The following SLC9A7 variants were observed in gnomAD, a reference collection of about 807,000 sequenced individuals.
SLC9A7 encodes sodium/hydrogen exchanger 7.
SLC9A7 carries 19 observed loss-of-function variants against 52.6 expected under a neutral mutation model. The observed-to-expected ratio is 0.36, with a 90% CI of 0.25 to 0.53. The LOEUF (loss-of-function observed/expected upper bound fraction) is 0.53. Ranked by LOEUF, SLC9A7 falls within the 20% of genes least tolerant of loss-of-function variation. The probability of loss-of-function intolerance (pLI) is 0.91; values close to 1 mark genes in which losing one functional copy is unlikely to be tolerated. For synonymous variants in SLC9A7, 226 were observed against 252.1 expected, an observed-to-expected ratio of 0.90 and a Z score of 0.98; for missense variants, 455 against 597.9, an observed-to-expected ratio of 0.76 and a Z score of 2.49.
At position 46,653,706 on chromosome X, in the gene SLC9A7, C is replaced by T. The variant is rs766554388; in HGVS notation, c.1050G>A (p.Lys350=). ...GGGGGAAGCAGTGCAGTTTGGTAAACTTAGTCACGTTGGCATTCTGTCAAG... is the reference window on the plus strand; with the variant it reads ...GGGGGAAGCAGTGCAGTTTGGTAAATTTAGTCACGTTGGCATTCTGTCAAG... ...VTGVVTALVT[K]FTKLHCFPLL... is the part of the protein sequence containing the mutation. The change falls in exon 8 of 17, where the codon AAG becomes AAA. Residue 350 remains lysine (K), a synonymous_variant. Transcript: ENST00000616978. 3 of 1,207,149 alleles carry T rather than the reference C, an allele frequency of 2.5e-6. No homozygotes were observed. The highest frequency in any genetic ancestry group is 3.4e-6 in the Non-Finnish European group (3 of 891,655).
At chrX:46,651,550 G>C (rs4824585) in intron 8 of SLC9A7, 146 bp from the exon 9 acceptor site, 157 of 425,655 alleles carry the variant, frequency 3.7e-4, no homozygotes, top group Non-Finnish European at 5.7e-4. Flanking sequence ...TTGCTGGGTC[G>C]GGCGCAGTGG....
intron 1 of SLC9A7, among the ~76,000 whole-genome samples, chrX:46,751,628 C>A (rs1467427541): frequency 9.0e-6 from 1 of 110,619 alleles, no homozygotes; most frequent in South Asian, 3.8e-4. Context: ...GGCAACATGG[C>A]GAAACCCTGT....
At chrX:46,668,623 T>C (rs1943963018) in intron 5 of SLC9A7, among the ~76,000 whole-genome samples, 1 of 112,156 alleles carries the variant, frequency 8.9e-6, no homozygotes, top group African/African-American at 3.2e-5. Flanking sequence ...TTTGAGGACA[T>C]TATGCTAAGT....
At chrX:46,749,466 G>A (rs957850062) in intron 1 of SLC9A7, among the ~76,000 whole-genome samples, 3 of 111,522 alleles carry the variant, frequency 2.7e-5, no homozygotes, top group East Asian at 2.8e-4. Context: ...AACCCTATCC[G>A]CCTCCCCACC....
intron 13 of SLC9A7, among the ~76,000 whole-genome samples, chrX:46,632,447 G>A (rs931870974): frequency 1.8e-5 from 2 of 111,515 alleles, no homozygotes; most frequent in Non-Finnish European, 3.8e-5. Context: ...TCCCTCAGGT[G>A]ATGTCTGATT....
intron 5 of SLC9A7, among the ~76,000 whole-genome samples, chrX:46,669,217 T>C (rs1943979342): frequency 9.2e-6 from 1 of 109,136 alleles, no homozygotes; most frequent in South Asian, 3.9e-4. Context: ...ATGTCAGGCA[T>C]TTTTACAACA....
At chrX:46,695,995 A>ATTTATTTC (rs1157893334) in intron 1 of SLC9A7, among the ~76,000 whole-genome samples, 9 of 109,632 alleles carry the variant, frequency 8.2e-5, no homozygotes, top group African/African-American at 3.0e-4. Flanking sequence ...TTATTTATTT[A>ATTTATTTC]TTTATTTATA....
At chrX:46,648,536 T>C in intron 11 of SLC9A7, 150 bp downstream of exon 11, 1 of 454,548 alleles carries the variant, frequency 2.2e-6, no homozygotes, top group Non-Finnish European at 3.8e-6. Flanking sequence ...CAACTGAACA[T>C]GTACATCTGT....
rs369438359 is a variant in SLC9A7, at chrX:46,654,454, A to G, written c.1042-740T>C. ...GGGTGACTTGTATGGTATATAAATT[A>G]TATCTCAATAAGGCTGTTCTTTTAA... On this transcript the variant is annotated intron_variant, in intron 7 of 16. Coordinates refer to ENST00000616978, the MANE Select transcript of SLC9A7 (RefSeq NM_001257291.2). Among the ~76,000 whole-genome samples, 5 of 111,727 alleles carry G rather than the reference A, an allele frequency of 4.5e-5. No individual in the cohort carries two copies. The South Asian group carries it at 1.9e-3, about 42-fold the overall frequency.
intron 12 of SLC9A7, among the ~76,000 whole-genome samples, chrX:46,642,146 TTCTC>T (rs1943415907): frequency 8.9e-6 from 1 of 111,876 alleles, no homozygotes; most frequent in Non-Finnish European, 1.9e-5. Flanking sequence ...CAGGAGATGA[TTCTC>T]TCAAATTTTA....
chrX:46,739,875 T>A (rs937248092), intron 1 of SLC9A7, among the ~76,000 whole-genome samples: 1 of 111,730 alleles, frequency 9.0e-6, no homozygotes, highest in Non-Finnish European at 1.9e-5. Flanking sequence ...ACACTCAGCA[T>A]AACACTGCCA....
At chrX:46,714,131 G>C (rs1056987565) in intron 1 of SLC9A7, among the ~76,000 whole-genome samples, 1 of 110,317 alleles carries the variant, frequency 9.1e-6, no homozygotes, top group Non-Finnish European at 1.9e-5. Context: ...TTTGTATTAG[G>C]GGTTTTACTT....
intron 16 of SLC9A7, 67 bp from the exon 17 acceptor site, chrX:46,607,270 C>T (rs1032594536): frequency 3.7e-6 from 4 of 1,071,636 alleles, no homozygotes; most frequent in Non-Finnish European, 5.0e-6. Context: ...TGGCACCAAC[C>T]CCAATCCCAA....
At chrX:46,643,963 T>C (rs1243137971) in intron 11 of SLC9A7, among the ~76,000 whole-genome samples, 1 of 112,233 alleles carries the variant, frequency 8.9e-6, no homozygotes, top group Non-Finnish European at 1.9e-5. Flanking sequence ...GGTACTTAGA[T>C]CAAAGGGACG....
intron 1 of SLC9A7, among the ~76,000 whole-genome samples, chrX:46,700,347 T>C (rs1944512173): frequency 8.9e-6 from 1 of 112,128 alleles, no homozygotes; most frequent in Admixed American, 9.5e-5. Context: ...TTAATTAAAC[T>C]TATTAATCAA....
intron 14 of SLC9A7, among the ~76,000 whole-genome samples, chrX:46,627,778 T>TGGGGGGGGGG (rs11362478): frequency 1.6e-5 from 1 of 63,107 alleles, no homozygotes; most frequent in South Asian, 9.3e-4. Flanking sequence ...ATGGGCGGGT[T>TGGGGGGGGGG]GGGGGGGGGG....
chrX:46,658,961 G>A (rs1434876778), intron 7 of SLC9A7, among the ~76,000 whole-genome samples: 2 of 111,512 alleles, frequency 1.8e-5, no homozygotes, highest in African/African-American at 6.5e-5. Context: ...GAACATTGAT[G>A]CAAAAATCCT....
chrX:46,618,663 G>A (rs759779226), intron 15 of SLC9A7, among the ~76,000 whole-genome samples: 6 of 112,408 alleles, frequency 5.3e-5, no homozygotes, highest in African/African-American at 1.9e-4. Flanking sequence ...AAAAAGTGAG[G>A]CTGGGTATGG....
At chrX:46,635,451 C>T in intron 13 of SLC9A7, 138 bp downstream of exon 13, 1 of 480,177 alleles carries the variant, frequency 2.1e-6, no homozygotes, top group East Asian at 3.7e-5. Flanking sequence ...TTGACTCAAC[C>T]TTTTGCACCT....
Sources: allele counts gnomAD v4.1 joint callset (sites outside exome capture counted in the v4.1 genomes callset), GRCh38; gene constraint gnomAD v4.1.1; transcripts MANE v1.5; gene names NCBI Gene and HGNC (gene_info 2026-07-23, HGNC 2026-07-21).